Variants in ATRNL1 observed in about 807,000 individuals in gnomAD.
The protein encoded by ATRNL1 is attractin-like protein 1.
A neutral mutation model predicts 182.7 loss-of-function variants in ATRNL1; 95 were observed. That is an observed-to-expected ratio of 0.52 (90% confidence interval 0.44 to 0.62). ATRNL1 has a LOEUF of 0.62. Among genes scored for constraint, ATRNL1 ranks in the 20% least tolerant of loss-of-function variants. The pLI is 0.00. For missense variants in ATRNL1, 1,471 were observed against 1,679.5 expected, an observed-to-expected ratio of 0.88 and a Z score of 2.17; for synonymous variants, 576 against 568.3, an observed-to-expected ratio of 1.01 and a Z score of -0.19.
chr10:115,132,926 T>G (rs1165534013), intron 5 of ATRNL1, among the ~76,000 whole-genome samples: 1 of 152,228 alleles, frequency 6.6e-6, no homozygotes, highest in Non-Finnish European at 1.5e-5. Flanking sequence ...GCAGAAGTTC[T>G]TTAGTTTAAT....
intron 15 of ATRNL1, among the ~76,000 whole-genome samples, chr10:115,297,418 G>A (rs1458989391): frequency 1.3e-4 from 19 of 151,828 alleles, no homozygotes; most frequent in Non-Finnish European, 2.1e-4. Flanking sequence ...GAGGCAGGCC[G>A]ATCACAAGGT....
intron 3 of ATRNL1, among the ~76,000 whole-genome samples, chr10:115,126,569 G>A (rs1487180964): frequency 1.3e-5 from 2 of 152,104 alleles, no homozygotes; most frequent in East Asian, 1.9e-4. Context: ...CCTAGTAGAT[G>A]TAATAATAAT....
chr10:115,110,562 A>G (rs976278584), intron 1 of ATRNL1, among the ~76,000 whole-genome samples: 2 of 152,200 alleles, frequency 1.3e-5, no homozygotes, highest in Non-Finnish European at 2.9e-5. Context: ...GCCTAGCTCA[A>G]CTAATACCCA....
intron 9 of ATRNL1, among the ~76,000 whole-genome samples, chr10:115,223,929 ATTTTTT>A (rs1223695295): frequency 4.4e-3 from 198 of 44,708 alleles, no homozygotes; most frequent in African/African-American, 0.017. Context: ...ATATATATAT[ATTTTTT>A]TTTTTTTTTT....
intron 27 of ATRNL1, among the ~76,000 whole-genome samples, chr10:115,794,079 G>T (rs190084255): frequency 1.7e-3 from 266 of 152,208 alleles, no homozygotes; most frequent in African/African-American, 6.3e-3. Flanking sequence ...TGCATCAAAC[G>T]GTTTATGAGA....
At chr10:115,368,512 C>G (rs1340082318) in intron 19 of ATRNL1, among the ~76,000 whole-genome samples, 3 of 152,196 alleles carry the variant, frequency 2.0e-5, no homozygotes, top group African/African-American at 7.2e-5. Context: ...GAGCTGTAGA[C>G]CAGAGCTGTT....
intron 17 of ATRNL1, among the ~76,000 whole-genome samples, chr10:115,313,298 C>CT (rs1245772581): frequency 2.0e-5 from 3 of 151,896 alleles, no homozygotes; most frequent in Non-Finnish European, 2.9e-5. Context: ...TTCAACTGTG[C>CT]TTTTTTCATT....
intron 28 of ATRNL1, among the ~76,000 whole-genome samples, chr10:115,930,256 TGG>T (rs1953354145): frequency 6.6e-6 from 1 of 152,308 alleles, no homozygotes; most frequent in Non-Finnish European, 1.5e-5. Flanking sequence ...GAGATTTATT[TGG>T]TTTTTTTCCT....
intron 26 of ATRNL1, among the ~76,000 whole-genome samples, chr10:115,640,140 A>G (rs549743331): frequency 3.3e-5 from 5 of 152,232 alleles, no homozygotes; most frequent in Admixed American, 2.0e-4. Flanking sequence ...ATTCCATGGC[A>G]TATATGTGCC....
At chr10:115,735,577 A>T (rs1320859245) in intron 27 of ATRNL1, among the ~76,000 whole-genome samples, 1 of 152,162 alleles carries the variant, frequency 6.6e-6, no homozygotes, top group Admixed American at 6.6e-5. Context: ...ATAGAACAAT[A>T]TTAATAACTT....
intron 25 of ATRNL1, among the ~76,000 whole-genome samples, chr10:115,524,446 A>G (rs982276155): frequency 6.6e-6 from 1 of 152,228 alleles, no homozygotes; most frequent in African/African-American, 2.4e-5. Flanking sequence ...AAGTAGATGT[A>G]TCTGAGTCAG....
intron 26 of ATRNL1, among the ~76,000 whole-genome samples, chr10:115,640,823 G>T (rs911465632): frequency 1.5e-4 from 23 of 152,124 alleles, no homozygotes; most frequent in Non-Finnish European, 3.4e-4. Flanking sequence ...TGCCTTTGGT[G>T]TTTTAATCAT....
chr10:115,148,449 T>C (rs1167910289), intron 5 of ATRNL1, among the ~76,000 whole-genome samples: 3 of 152,196 alleles, frequency 2.0e-5, no homozygotes, highest in Admixed American at 6.5e-5. Flanking sequence ...TCTTGCCTAA[T>C]TTCTCTGGCT....
intron 19 of ATRNL1, among the ~76,000 whole-genome samples, chr10:115,337,767 A>G (rs550415577): frequency 1.3e-5 from 2 of 152,072 alleles, no homozygotes; most frequent in Non-Finnish European, 2.9e-5. Flanking sequence ...AATATATACC[A>G]CATTTTCTTT....
At chr10:115,152,959 C>G (rs560782031) in intron 5 of ATRNL1, among the ~76,000 whole-genome samples, 24 of 152,204 alleles carry the variant, frequency 1.6e-4, no homozygotes, top group Admixed American at 1.4e-3. Flanking sequence ...GCCTTTTCTG[C>G]ATCTATTGAG....
intron 27 of ATRNL1, among the ~76,000 whole-genome samples, chr10:115,735,453 C>T (rs78590873): frequency 0.027 from 4,058 of 152,002 alleles, 195 homozygotes; most frequent in African/African-American, 0.091. Flanking sequence ...TCCAAGAGTC[C>T]CCGTGGATGC....
rs192275617 is a variant in ATRNL1 at position 115,487,817 on chromosome 10, A to T, written c.3654+18488A>T. The stretch of plus-strand genomic sequence containing the variant: ...ATCCTTGTCTTGTGGCTGTTTTCAA[A>T]GGGATTGCTTCCAGTTTTTGCCCAT... On this transcript the variant is annotated intron_variant, in intron 24 of 28. Transcript: ENST00000355044. Among the ~76,000 whole-genome samples the T allele has an allele frequency of 2.5e-3, 385 of 152,276 alleles. 1 individual carries two copies. The highest frequency in any genetic ancestry group is 8.7e-3 in the African/African-American group (361 of 41,562).
At chr10:115,213,756 T>C (rs984369749) in intron 8 of ATRNL1, among the ~76,000 whole-genome samples, 1 of 152,110 alleles carries the variant, frequency 6.6e-6, no homozygotes, top group Non-Finnish European at 1.5e-5. Flanking sequence ...AATATAACCC[T>C]CCAAAGATTA....
intron 19 of ATRNL1, among the ~76,000 whole-genome samples, chr10:115,335,254 G>A (rs536014038): frequency 3.0e-4 from 45 of 151,940 alleles, no homozygotes; most frequent in South Asian, 1.2e-3. Flanking sequence ...TTAATCTACC[G>A]TCTCTAAATG....
Sources: allele counts gnomAD v4.1 joint callset (sites outside exome capture counted in the v4.1 genomes callset), GRCh38; gene constraint gnomAD v4.1.1; transcripts MANE v1.5; gene names NCBI Gene and HGNC (gene_info 2026-07-23, HGNC 2026-07-21).